EYS: variants seen among roughly 807,000 people sequenced by gnomAD.
EYS encodes protein eyes shut homolog.
Under a neutral mutation model 282.1 loss-of-function variants are expected in EYS, and 250 were observed. The observed-to-expected ratio is 0.89, with a 90% confidence interval of 0.80 to 0.98. The LOEUF is 0.98. Ranked by LOEUF, EYS falls within the 50% of genes least tolerant of loss-of-function variation. The pLI is 0.00. For missense variants in EYS, 4,016 were observed against 3,709.0 expected (o/e 1.08, Z -2.15); for synonymous variants, 1,355 against 1,282.9 (o/e 1.06, Z -1.20).
intron 15 of EYS, among the ~76,000 whole-genome samples, chr6:64,922,910 T>C (rs1330487604): frequency 6.6e-6 from 1 of 152,188 alleles, no homozygotes; most frequent in Non-Finnish European, 1.5e-5. Flanking sequence ...CTTTGAATTC[T>C]TTATCCAGCA....
intron 31 of EYS, among the ~76,000 whole-genome samples, chr6:64,096,596 C>T (rs952511914): frequency 9.9e-5 from 15 of 152,206 alleles, no homozygotes; most frequent in African/African-American, 3.6e-4. Context: ...TGGTTTTCAG[C>T]TCCATCAGGT....
intron 22 of EYS, among the ~76,000 whole-genome samples, chr6:64,790,867 ATTT>A (rs1774168650): frequency 6.6e-6 from 1 of 151,782 alleles, no homozygotes; most frequent in East Asian, 1.9e-4. Flanking sequence ...TTTATTTTGC[ATTT>A]TTCTTAATAA....
At chr6:65,426,096 T>G (rs1323311416) in intron 5 of EYS, among the ~76,000 whole-genome samples, 2 of 152,090 alleles carry the variant, frequency 1.3e-5, no homozygotes, top group Non-Finnish European at 2.9e-5. Context: ...AGCCTCATCC[T>G]CAAAAGTATC....
chr6:64,020,062 A>G (rs1268919136), intron 33 of EYS, among the ~76,000 whole-genome samples: 1 of 152,010 alleles, frequency 6.6e-6, no homozygotes, highest in Non-Finnish European at 1.5e-5. Flanking sequence ...TAACTCTATT[A>G]CAAACATCTA....
At chr6:65,058,392 C>G (rs746391684) in intron 12 of EYS, among the ~76,000 whole-genome samples, 1 of 152,036 alleles carries the variant, frequency 6.6e-6, no homozygotes, top group South Asian at 2.1e-4. Context: ...TTCAGGAGAT[C>G]CACCCACTTT....
intron 2 of EYS, among the ~76,000 whole-genome samples, chr6:65,515,861 C>T (rs1021828889): frequency 6.6e-6 from 1 of 150,882 alleles, no homozygotes; most frequent in Non-Finnish European, 1.5e-5. Context: ...TTAACGGGTG[C>T]AGCACACCAG....
At chr6:65,512,711 G>A (rs1383430848) in intron 2 of EYS, among the ~76,000 whole-genome samples, 1 of 151,860 alleles carries the variant, frequency 6.6e-6, no homozygotes, top group African/African-American at 2.4e-5. Context: ...ATGAAATGAA[G>A]GCAGAAATAA....
chr6:63,858,683 T>C (rs138202751), intron 36 of EYS, among the ~76,000 whole-genome samples: 19 of 152,200 alleles, frequency 1.2e-4, no homozygotes, highest in Non-Finnish European at 2.2e-4. Context: ...TATTTCTTTG[T>C]AACAAGGAAC....
At chr6:64,059,681 T>C (rs1468075463) in intron 33 of EYS, among the ~76,000 whole-genome samples, 1 of 152,222 alleles carries the variant, frequency 6.6e-6, no homozygotes, top group Non-Finnish European at 1.5e-5. Flanking sequence ...TAGATATCTT[T>C]TAAAGATTTT....
chr6:65,486,725 T>A (rs1437010639), intron 5 of EYS, among the ~76,000 whole-genome samples: 1 of 152,056 alleles, frequency 6.6e-6, no homozygotes, highest in Non-Finnish European at 1.5e-5. Context: ...ATTGAGAGAG[T>A]CAACAACTTT....
intron 2 of EYS, among the ~76,000 whole-genome samples, chr6:65,607,059 C>A (rs1418836721): frequency 6.6e-6 from 1 of 151,710 alleles, no homozygotes; most frequent in African/African-American, 2.4e-5. Context: ...ATGATCTCAG[C>A]AAATATGCTT....
intron 34 of EYS, among the ~76,000 whole-genome samples, chr6:63,992,495 A>T (rs1046929167): frequency 2.0e-5 from 3 of 151,836 alleles, no homozygotes; most frequent in African/African-American, 4.8e-5. Flanking sequence ...GATTAATAAC[A>T]TAAAGTGTGT....
intron 22 of EYS, among the ~76,000 whole-genome samples, chr6:64,796,689 G>T (rs529227624): frequency 6.6e-6 from 1 of 152,074 alleles, no homozygotes; most frequent in African/African-American, 2.4e-5. Flanking sequence ...AGTACTGTAC[G>T]TTGAGCCAGA....
chr6:63,864,469 T>A, intron 35 of EYS, 111 bp from the exon 36 acceptor site: 1 of 708,760 alleles, frequency 1.4e-6, no homozygotes, highest in Non-Finnish European at 2.1e-6. Context: ...TATAATTGCA[T>A]CTTTTCTAAT....
Position 64,591,313 on chromosome 6 carries a change from T to G in EYS, c.4554A>C (p.Thr1518=), listed in dbSNP as rs772339340. 5.9e-4 allele frequency: 918 copies of G among 1,551,296 alleles called. 2 individuals are homozygous for G. Among genetic ancestry groups the G allele is most frequent in the Non-Finnish European group, 6.4e-4 (733 of 1,146,800 alleles). ...GATATTCACTGGGATTGAAGGCTTT[T>G]GTACTGAACCGGTGCAGAGCTGATG... is the stretch of plus-strand genomic sequence containing the variant. ...LNSSALHRFS[T]KAFNPSEYQA... The change falls in exon 26 of 43, where the codon ACA becomes ACC. Residue 1518 remains threonine, a synonymous_variant. Transcript: ENST00000503581.
At chr6:63,880,035 C>T (rs551901828) in intron 35 of EYS, among the ~76,000 whole-genome samples, 1 of 152,250 alleles carries the variant, frequency 6.6e-6, no homozygotes, top group African/African-American at 2.4e-5. Flanking sequence ...TCTGGAAACT[C>T]ATTCTACTGG....
chr6:63,827,650 CT>C (rs916257462), intron 36 of EYS, among the ~76,000 whole-genome samples: 5 of 152,018 alleles, frequency 3.3e-5, no homozygotes, highest in Non-Finnish European at 5.9e-5. Flanking sequence ...CTAGACCATC[CT>C]GGCTAACAAG....
intron 1 of EYS, among the ~76,000 whole-genome samples, chr6:65,676,751 A>G (rs1408391423): frequency 6.6e-6 from 1 of 151,794 alleles, no homozygotes; most frequent in Non-Finnish European, 1.5e-5. Flanking sequence ...TAAAAACACT[A>G]GAAAAAAATT....
chr6:65,568,255 C>T, intron 2 of EYS, among the ~76,000 whole-genome samples: 1 of 152,014 alleles, frequency 6.6e-6, no homozygotes, highest in East Asian at 1.9e-4. Flanking sequence ...TCCCCTCTCC[C>T]ATAACCTGTT....
Sources: allele counts gnomAD v4.1 joint callset (sites outside exome capture counted in the v4.1 genomes callset), GRCh38; gene constraint gnomAD v4.1.1; transcripts MANE v1.5; gene names NCBI Gene and HGNC (gene_info 2026-07-23, HGNC 2026-07-21).